Variants in ZNF316 observed in about 807,000 individuals in gnomAD.
ZNF316 encodes the protein zinc finger protein 316.
A neutral mutation model predicts 75.6 loss-of-function variants in ZNF316; 23 were observed. The observed-to-expected ratio is 0.30, with a 90% CI of 0.22 to 0.43. The LOEUF is 0.43. Among genes scored for constraint, ZNF316 ranks in the 20% least tolerant of loss-of-function variants. The pLI, the probability that ZNF316 is intolerant of heterozygous loss-of-function variation, is 1.00. For synonymous variants in ZNF316, 827 were observed against 666.2 expected (o/e 1.24, Z -3.72); for missense variants, 1,266 against 1,409.4 (o/e 0.90, Z 1.63).
rs1779657533 is a variant in ZNF316, at chr7:6,658,113, C to G, written c.*3502C>G. Among the ~76,000 whole-genome samples the G allele has an allele frequency of 1.3e-5, 2 of 152,064 alleles. No homozygotes were observed. Among genetic ancestry groups the G allele is most frequent in the Non-Finnish European group, 2.9e-5 (2 of 68,022 alleles). On this transcript the variant is annotated 3_prime_UTR_variant, in exon 9 of 9. Coordinates refer to ENST00000382252, the MANE Select transcript of ZNF316 (RefSeq NM_001278559.2). The stretch of plus-strand genomic sequence containing the variant: ...TTTCCTTTCTCTTTTGCCGGTTTCC[C>G]CAACCTCCTTCCTTTTCTGATTCAT...
rs749049659 is a variant in ZNF316 at position 6,654,377 on chromosome 7, C to T, written c.2781C>T (p.Ser927=). 14 of 1,218,386 alleles carry T rather than the reference C, an allele frequency of 1.1e-5. No homozygotes were observed. The highest frequency in any genetic ancestry group is 1.6e-5 in the African/African-American group (1 of 63,706). The allele number at this position is 1,218,386 out of a possible 1,614,324, so 75.5% of individuals were successfully genotyped here. ...CANCGRRFSQ[S]SHLLTHMKTH... is the part of the protein sequence containing the mutation. ...ACTGCGGCCGCCGCTTCTCGCAGAG[C>T]TCGCACTTGCTCACCCACATGAAGA... The change falls in exon 9 of 9, where the codon AGC becomes AGT. Residue 927 remains serine (S), a synonymous_variant. Coordinates refer to ENST00000382252, the MANE Select transcript of ZNF316 (RefSeq NM_001278559.2).
chr7:6,639,663 G>C lies in ZNF316; in HGVS notation c.-167+522G>C, dbSNP rs1779278736. Among the ~76,000 whole-genome samples the C allele has an allele frequency of 6.6e-6, 1 of 152,198 alleles. No homozygotes were observed. The highest frequency in any genetic ancestry group is 2.4e-5 in the African/African-American group (1 of 41,444). ...GGAGTTTAAAGTTGCTGCTTCAGGT[G>C]GTGGCCAGGCAGGAGACAGCTCTAC... is the stretch of plus-strand genomic sequence containing the variant. On this transcript the variant is annotated intron_variant, in intron 3 of 8. Transcript: ENST00000382252. This position sits in a 1 kb window ranked among gnomAD's most constrained non-coding sequence, Gnocchi z 4.2.
chr7:6,642,414 C>T lies in ZNF316; in HGVS notation c.5C>T (p.Ala2Val), dbSNP rs1779326179. 2 of 1,232,058 alleles carry T rather than the reference C, an allele frequency of 1.6e-6. No homozygotes were observed. Among genetic ancestry groups the T allele is most frequent in the Non-Finnish European group, 1.0e-6 (1 of 988,080 alleles). 76.3% of individuals were successfully genotyped at this position (1,232,058 alleles called of 1,614,324 possible). A position where few individuals can be genotyped will look rare whatever the true frequency, so the allele number is the denominator to read the frequency against. Reference sequence around the variant, plus strand: ...GGAGGCTCGCTCCCAGGGAGGATGGCGGCGCTCCACACGACTCCCGACTCC... The same window carrying T: ...GGAGGCTCGCTCCCAGGGAGGATGGTGGCGCTCCACACGACTCCCGACTCC... The part of the protein sequence containing the change: M[A>V]ALHTTPDSPA... The change falls in exon 5 of 9, where the codon GCG becomes GTG. Residue 2 changes from alanine to valine, a missense_variant. Around this residue, in one of 3 missense-constraint regions of ZNF316, gnomAD observed 961 missense variants for 990.9 expected, o/e 0.97. Transcript: ENST00000382252. This position sits in a 1 kb window ranked among gnomAD's most constrained non-coding sequence, Gnocchi z 8.1.
intron 8 of ZNF316, among the ~76,000 whole-genome samples, chr7:6,651,830 C>T (rs1779512596): frequency 1.3e-5 from 2 of 152,246 alleles, no homozygotes; most frequent in Non-Finnish European, 2.9e-5. Context: ...GCCGGCTGCG[C>T]TGTCTTCCAG....
At chr7:6,644,004 T>A in intron 7 of ZNF316, 56 bp downstream of exon 7, 1 of 1,230,214 alleles carries the variant, frequency 8.1e-7, no homozygotes, top group Non-Finnish European at 1.0e-6. Flanking sequence ...GCTGCCAGGG[T>A]CTTAGCTGTC....
rs1005655739 is a variant in ZNF316 at position 6,657,243 on chromosome 7, C to T, written c.*2632C>T. On this transcript the variant is annotated 3_prime_UTR_variant, in exon 9 of 9. Transcript: ENST00000382252. ...GCTCCTGATCTTGTGATCTGCCTGT[C>T]TTGGCCTTCCAAAGTGCTGGGATTG... 7.0e-5 allele frequency among the ~76,000 whole-genome samples: 10 copies of T among 142,886 alleles called. No individual in the cohort carries two copies. The highest frequency in any genetic ancestry group is 2.6e-4 in the African/African-American group (10 of 38,208). 93.7% of individuals were successfully genotyped at this position (142,886 alleles called of 152,430 possible).
At position 6,642,113 on chromosome 7, in the gene ZNF316, G is replaced by A. The variant is rs573139506; in HGVS notation, c.-29+151G>A. Reference sequence around the variant, plus strand: ...AAGAGCAGCAGTTCACACCAGGCACGTAGTTCTTGGTGAAAAGGAGCTGAG... The same window carrying A: ...AAGAGCAGCAGTTCACACCAGGCACATAGTTCTTGGTGAAAAGGAGCTGAG... On this transcript the variant is annotated intron_variant, in intron 4 of 8. Coordinates refer to ENST00000382252, the MANE Select transcript of ZNF316 (RefSeq NM_001278559.2). The surrounding 1 kb of genome is among the most constrained non-coding windows in gnomAD (Gnocchi z 8.1). The A allele has an allele frequency of 1.0e-4, 32 of 316,688 alleles. No individual in the cohort carries two copies. Among genetic ancestry groups the A allele is most frequent in the Admixed American group, 2.5e-4 (5 of 19,880 alleles). 19.6% of individuals were successfully genotyped at this position (316,688 alleles called of 1,614,324 possible).
At chr7:6,650,108 G>C (rs1779481031) in intron 8 of ZNF316, among the ~76,000 whole-genome samples, 1 of 152,230 alleles carries the variant, frequency 6.6e-6, no homozygotes, top group Non-Finnish European at 1.5e-5. Flanking sequence ...TTCCCCGTTT[G>C]GAGGGGTCTC....
intron 7 of ZNF316, among the ~76,000 whole-genome samples, 199 bp from the exon 8 acceptor site, chr7:6,644,281 C>G (rs1209883295): frequency 1.3e-5 from 2 of 150,270 alleles, no homozygotes; most frequent in African/African-American, 4.9e-5. Flanking sequence ...GTTGGGGGGG[C>G]TTGGTGGGAG....
chr7:6,652,734 A>G lies in ZNF316; in HGVS notation c.1138A>G (p.Lys380Glu), dbSNP rs1779532977. The change falls in exon 9 of 9, where the codon AAG (lysine) becomes GAG (glutamate). Residue 380 changes from lysine (K) to glutamate (E), a missense_variant. Transcript: ENST00000382252. ...GCCCTTCGGCTGCGAGGAGTGCGGC[A>G]AGGGCTTCGTGTACCGCTCGCACTT... ...VKPFGCEECG[K>E]GFVYRSHLAI... is the part of the protein sequence containing the mutation. 2.4e-6 allele frequency: 3 copies of G among 1,247,628 alleles called. No individual in the cohort carries two copies. Among genetic ancestry groups the G allele is most frequent in the Non-Finnish European group, 3.0e-6 (3 of 995,420 alleles). 77.3% of individuals were successfully genotyped at this position (1,247,628 alleles called of 1,614,324 possible).
Position 6,652,884 on chromosome 7 carries a change from CGCTGCGCCTTCT to C in ZNF316, c.1291_1302del (p.Cys431_Cys434del). 1 of 1,241,050 alleles carries C rather than the reference CGCTGCGCCTTCT, an allele frequency of 8.1e-7. No individual in the cohort carries two copies. Among genetic ancestry groups the C allele is most frequent in the Non-Finnish European group, 1.0e-6 (1 of 992,024 alleles). The allele number at this position is 1,241,050 out of a possible 1,614,324, so 76.9% of individuals were successfully genotyped here. A position where few individuals can be genotyped will look rare whatever the true frequency, so the allele number is the denominator to read the frequency against. The stretch of plus-strand genomic sequence containing the variant: ...CATCCATACTGGCGAGCGGCCCTAC[CGCTGCGCCTTCT>C]GCGGCGCGGGCTTCGGGCGCCGCTC... On this transcript the variant is annotated inframe_deletion, in exon 9 of 9. Coordinates refer to ENST00000382252, the MANE Select transcript of ZNF316 (RefSeq NM_001278559.2).
chr7:6,638,733 G>C (rs370803753), intron 2 of ZNF316, among the ~76,000 whole-genome samples: 1 of 152,146 alleles, frequency 6.6e-6, no homozygotes, highest in African/African-American at 2.4e-5. Context: ...TGGGGAGTTT[G>C]AGAAATGAGG....
At chr7:6,652,173 C>T in intron 8 of ZNF316, 130 bp from the exon 9 acceptor site, 1 of 843,976 alleles carries the variant, frequency 1.2e-6, no homozygotes, top group Non-Finnish European at 1.6e-6. Context: ...AAAGGAGGTG[C>T]CCCGTCCGAC....
rs1779356896 is a variant in ZNF316 at position 6,644,091 on chromosome 7, A to AG, written c.592+145dup. 6.5e-6 allele frequency: 6 copies of AG among 928,076 alleles called. No individual in the cohort carries two copies. The South Asian group carries it at 2.9e-4, about 44-fold the overall frequency. 57.5% of individuals were successfully genotyped at this position (928,076 alleles called of 1,614,324 possible). On this transcript the variant is annotated intron_variant, in intron 7 of 8. Transcript: ENST00000382252. The stretch of plus-strand genomic sequence containing the variant: ...CCAGCCCACCTCCCAGGGAAGCCCT[A>AG]GGACCCCATGGCCCCTGGGTGGGGC...
In ZNF316 at chr7:6,653,276, G is replaced by A. The variant is rs1208942057; in HGVS notation, c.1680G>A (p.Ala560=). 2 of 1,227,800 alleles carry A rather than the reference G, an allele frequency of 1.6e-6. No homozygotes were observed. The highest frequency in any genetic ancestry group is 1.6e-5 in the African/African-American group (1 of 64,104). 76.1% of individuals were successfully genotyped at this position (1,227,800 alleles called of 1,614,324 possible). A position where few individuals can be genotyped will look rare whatever the true frequency, so the allele number is the denominator to read the frequency against. Residue 560 remains alanine, a synonymous_variant, in exon 9 of 9, where the codon GCG becomes GCA. Coordinates refer to ENST00000382252, the MANE Select transcript of ZNF316 (RefSeq NM_001278559.2). ...CGGCCGAGGAGAGAGAGGAGGCGGC[G>A]GTGGCGGCGCCCACCCCCAGCGGCA... ...EAAAEEREEA[A]VAAPTPSGKV...
At position 6,654,170 on chromosome 7, in the gene ZNF316, C is replaced by G. The variant is rs1281872093; in HGVS notation, c.2574C>G (p.Pro858=). Residue 858 remains proline, a synonymous_variant, in exon 9 of 9, where the codon CCC becomes CCG. Transcript: ENST00000382252. Reference sequence around the variant, plus strand: ...GGCGCACGCACACGGGCGAGAAGCCCTTCCGCTGCGCCGACTGCGGCCGCG... The same window carrying G: ...GGCGCACGCACACGGGCGAGAAGCCGTTCCGCTGCGCCGACTGCGGCCGCG... ...RHRRTHTGEK[P]FRCADCGRGF... 1.6e-6 allele frequency: 2 copies of G among 1,223,046 alleles called. No homozygotes were observed. Among genetic ancestry groups the G allele is most frequent in the Non-Finnish European group, 1.0e-6 (1 of 981,550 alleles). 75.8% of individuals were successfully genotyped at this position (1,223,046 alleles called of 1,614,324 possible).
chr7:6,647,830 G>C (rs1038947178), intron 8 of ZNF316, among the ~76,000 whole-genome samples: 3 of 152,312 alleles, frequency 2.0e-5, no homozygotes, highest in African/African-American at 7.2e-5. Context: ...GATGTGTGTG[G>C]GGTCCCGTGG....
intron 6 of ZNF316, among the ~76,000 whole-genome samples, chr7:6,643,469 C>A (rs141281340): frequency 1.1e-3 from 172 of 152,352 alleles, no homozygotes; most frequent in African/African-American, 4.1e-3. Flanking sequence ...GTTGCTGCTG[C>A]TTGTCCACTC....
rs770689244 is a variant in ZNF316, at chr7:6,642,297, C to T, written c.-28-85C>T. The T allele has an allele frequency of 1.3e-5, 8 of 610,066 alleles. No individual in the cohort carries two copies. Among genetic ancestry groups the T allele is most frequent in the African/African-American group, 3.9e-5 (2 of 50,994 alleles). 37.8% of individuals were successfully genotyped at this position (610,066 alleles called of 1,614,324 possible). ...GGAGGAGTAAATCCTGCTCCCTGCGCCCCCGCCAGGCTGCGGGAGACCCTG... is the reference window on the plus strand; with the variant it reads ...GGAGGAGTAAATCCTGCTCCCTGCGTCCCCGCCAGGCTGCGGGAGACCCTG... On this transcript the variant is annotated intron_variant, in intron 4 of 8. Transcript: ENST00000382252. The surrounding 1 kb of genome is among the most constrained non-coding windows in gnomAD (Gnocchi z 8.1).
Sources: gnomAD v4.1 joint callset for allele counts (sites outside exome capture counted in the v4.1 genomes callset) on GRCh38, gnomAD v4.1.1 for gene constraint, gnomAD v4.1.1 regional missense constraint, Gnocchi (gnomAD v3.1) non-coding constraint, MANE v1.5 for transcripts, NCBI Gene and HGNC (gene_info 2026-07-23, HGNC 2026-07-21) for gene names.